MTHFD1L: variants seen among roughly 807,000 people sequenced by gnomAD.
The protein encoded by MTHFD1L is methylenetetrahydrofolate dehydrogenase (NADP+ dependent) 1 like.
Under a neutral mutation model 119.5 loss-of-function variants are expected in MTHFD1L, and 81 were observed. The observed-to-expected ratio is 0.68, with a 90% CI of 0.57 to 0.82. MTHFD1L has a LOEUF of 0.82. Among genes scored for constraint, MTHFD1L ranks in the 40% least tolerant of loss-of-function variants. MTHFD1L has a pLI of 0.00. For missense variants in MTHFD1L, 1,125 were observed against 1,253.4 expected, an observed-to-expected ratio of 0.90 and a Z score of 1.55; for synonymous variants, 430 against 475.2, an observed-to-expected ratio of 0.90 and a Z score of 1.24.
chr6:151,061,799 T>C (rs1224003216), intron 26 of MTHFD1L, among the ~76,000 whole-genome samples: 1 of 152,186 alleles, frequency 6.6e-6, no homozygotes, highest in Non-Finnish European at 1.5e-5. Context: ...ACCATCTAGT[T>C]CTTCACATTA....
chr6:150,982,360 C>T lies in MTHFD1L; in HGVS notation c.2125+10302C>T, dbSNP rs1032426236. Reference sequence around the variant, plus strand: ...ATAACAGTTTTGCATTTCTCTATGTCACTGTGATCCAAAAAGCCTCATTTT... The same window carrying T: ...ATAACAGTTTTGCATTTCTCTATGTTACTGTGATCCAAAAAGCCTCATTTT... On this transcript the variant is annotated intron_variant, in intron 20 of 27. Transcript: ENST00000367321. Among the ~76,000 whole-genome samples, 30 of 152,234 alleles carry T rather than the reference C, an allele frequency of 2.0e-4. 1 individual carries two copies. Among genetic ancestry groups the T allele is most frequent in the Non-Finnish European group, 2.9e-4 (20 of 68,014 alleles).
chr6:150,890,584 C>G (rs187469049), intron 7 of MTHFD1L, among the ~76,000 whole-genome samples: 2 of 152,228 alleles, frequency 1.3e-5, no homozygotes, highest in South Asian at 4.1e-4. Flanking sequence ...GGCAGCTATT[C>G]GAGTTATCCC....
At chr6:150,916,950 G>A (rs1788079938) in intron 8 of MTHFD1L, among the ~76,000 whole-genome samples, 1 of 150,426 alleles carries the variant, frequency 6.6e-6, no homozygotes, top group African/African-American at 2.4e-5. Flanking sequence ...TAGTAGAGAT[G>A]GGGTTTCTCC....
chr6:151,090,382 T>G (rs1794266360), intron 26 of MTHFD1L, among the ~76,000 whole-genome samples: 1 of 152,206 alleles, frequency 6.6e-6, no homozygotes, highest in Admixed American at 6.5e-5. Flanking sequence ...CATTGTGCAG[T>G]TCACATCAGA....
intron 8 of MTHFD1L, among the ~76,000 whole-genome samples, chr6:150,913,333 T>G (rs1209151977): frequency 3.3e-5 from 5 of 151,950 alleles, no homozygotes; most frequent in Non-Finnish European, 5.9e-5. Flanking sequence ...GCTAGTTTTT[T>G]TTTTTGTATT....
intron 24 of MTHFD1L, among the ~76,000 whole-genome samples, chr6:151,017,830 C>CTTTTTTTTTTTTT (rs895364993): frequency 7.1e-5 from 7 of 99,012 alleles, no homozygotes; most frequent in African/African-American, 2.1e-4. Flanking sequence ...ACCGTGTTTT[C>CTTTTTTTTTTTTT]TTTTTTTTTT....
At chr6:150,977,205 C>T (rs1776709268) in intron 20 of MTHFD1L, among the ~76,000 whole-genome samples, 1 of 152,132 alleles carries the variant, frequency 6.6e-6, no homozygotes, top group Admixed American at 6.5e-5. Context: ...GGATGATGGG[C>T]ATCTCTTAGA....
chr6:150,932,397 GAA>G (rs1189259344), intron 11 of MTHFD1L, among the ~76,000 whole-genome samples: 3 of 152,244 alleles, frequency 2.0e-5, no homozygotes, highest in Admixed American at 6.5e-5. Flanking sequence ...AGGGGGTACA[GAA>G]ATCTGCCGGG....
Position 150,922,296 on chromosome 6 carries a change from T to C in MTHFD1L, c.1076T>C (p.Val359Ala). The change falls in exon 10 of 28, where the codon GTG becomes GCG. Residue 359 changes from valine (V) to alanine (A), a missense_variant. Physicochemically the swap from Val to Ala is moderately conservative, Grantham distance 64 (BLOSUM62 0). This residue lies in a region of MTHFD1L where 1,058 missense variants were observed against 1,151.2 expected (regional missense o/e 0.92). Transcript: ENST00000367321. ...HCLKLQPLSP[V>A]PSDIEISRGQ... ...TTGAAACTTCAGCCTCTCTCCCCTG[T>C]GCCAAGGTAACACTGGTGTTTTATT... 2 of 1,613,812 alleles carry C rather than the reference T, an allele frequency of 1.2e-6. No homozygotes were observed.
intron 7 of MTHFD1L, among the ~76,000 whole-genome samples, chr6:150,889,714 G>A (rs1782910803): frequency 6.6e-6 from 1 of 152,204 alleles, no homozygotes; most frequent in Non-Finnish European, 1.5e-5. Context: ...TTGGCAGTAG[G>A]TAAAAAGTGC....
intron 19 of MTHFD1L, among the ~76,000 whole-genome samples, chr6:150,971,032 CATT>C (rs1412293130): frequency 6.6e-6 from 1 of 151,216 alleles, no homozygotes; most frequent in Non-Finnish European, 1.5e-5. Context: ...GCTAAAGCTA[CATT>C]TATACAAAAA....
At chr6:151,023,048 G>GTTT (rs34683676) in intron 24 of MTHFD1L, among the ~76,000 whole-genome samples, 1 of 134,164 alleles carries the variant, frequency 7.5e-6, no homozygotes, top group African/African-American at 2.8e-5. Context: ...TGGTTTTTGG[G>GTTT]TTTTTTTTTT....
At chr6:150,983,292 G>T (rs1251685687) in intron 20 of MTHFD1L, among the ~76,000 whole-genome samples, 1 of 152,076 alleles carries the variant, frequency 6.6e-6, no homozygotes, top group East Asian at 1.9e-4. Flanking sequence ...GCTTTTGGAG[G>T]TTATAAAGAT....
At chr6:150,895,918 T>C (rs1784136291) in intron 7 of MTHFD1L, among the ~76,000 whole-genome samples, 1 of 152,118 alleles carries the variant, frequency 6.6e-6, no homozygotes, top group Non-Finnish European at 1.5e-5. Flanking sequence ...TGACAGACAA[T>C]GTTAATTGAC....
At chr6:150,983,891 C>T (rs1562494502) in intron 20 of MTHFD1L, among the ~76,000 whole-genome samples, 1 of 152,140 alleles carries the variant, frequency 6.6e-6, no homozygotes, top group Admixed American at 6.5e-5. Flanking sequence ...CCACCTCTGC[C>T]TCCTGAGTAG....
At chr6:150,987,636 C>T (rs1056485885) in intron 20 of MTHFD1L, among the ~76,000 whole-genome samples, 5 of 152,226 alleles carry the variant, frequency 3.3e-5, no homozygotes, top group Admixed American at 2.6e-4. Context: ...GGAATTTGAA[C>T]CTGAGTGTCG....
At position 150,968,846 on chromosome 6, in the gene MTHFD1L, C is replaced by CT. The variant is rs145806257; in HGVS notation, c.2014-3082dup. On this transcript the variant is annotated intron_variant, in intron 19 of 27. Transcript: ENST00000367321. Reference sequence around the variant, plus strand: ...AATCATTTTCTTGTTTTAAATAATTCTTTTTTTTTTTTTTTTTTTGAAACG... The same window carrying CT: ...AATCATTTTCTTGTTTTAAATAATTCTTTTTTTTTTTTTTTTTTTTGAAACG... 8.1e-3 allele frequency among the ~76,000 whole-genome samples: 877 copies of CT among 108,472 alleles called. 12 individuals carry two copies. The highest frequency in any genetic ancestry group is 0.024 in the African/African-American group (669 of 27,964). The allele number at this position is 108,472 out of a possible 152,430, so 71.2% of individuals were successfully genotyped here. A position where few individuals can be genotyped will look rare whatever the true frequency, so the allele number is the denominator to read the frequency against.
intron 8 of MTHFD1L, among the ~76,000 whole-genome samples, chr6:150,915,032 G>A (rs1787618336): frequency 2.0e-5 from 3 of 152,276 alleles, no homozygotes; most frequent in Admixed American, 2.0e-4. Context: ...ATAGAGGGTA[G>A]TGTTGTGTGT....
chr6:150,955,273 C>G (rs1485828719), intron 16 of MTHFD1L, among the ~76,000 whole-genome samples: 1 of 152,146 alleles, frequency 6.6e-6, no homozygotes, highest in Non-Finnish European at 1.5e-5. Flanking sequence ...TCACTATGCA[C>G]CATGTTTTCA....
Sources: allele counts gnomAD v4.1 joint callset (sites outside exome capture counted in the v4.1 genomes callset), GRCh38; gene constraint gnomAD v4.1.1; regional missense constraint gnomAD v4.1.1; transcripts MANE v1.5; gene names NCBI Gene and HGNC (gene_info 2026-07-23, HGNC 2026-07-21).